The following OSBPL8 variants were observed in gnomAD, a reference collection of about 807,000 sequenced individuals.
The protein encoded by OSBPL8 is oxysterol binding protein like 8.
In OSBPL8, 59 loss-of-function variants were observed where a neutral mutation model predicts 125.5. The observed-to-expected ratio is 0.47, with a 90% CI of 0.38 to 0.58. OSBPL8 has a LOEUF of 0.58. Among genes scored for constraint, OSBPL8 ranks in the 20% least tolerant of loss-of-function variants. The pLI is 0.00. For synonymous variants in OSBPL8, 330 were observed against 338.9 expected, an observed-to-expected ratio of 0.97 and a Z score of 0.29; for missense variants, 758 against 1,047.8, an observed-to-expected ratio of 0.72 and a Z score of 3.82.
chr12:76,419,039 C>T (rs999210110), intron 4 of OSBPL8, among the ~76,000 whole-genome samples: 8 of 152,060 alleles, frequency 5.3e-5, no homozygotes, highest in African/African-American at 1.9e-4. Flanking sequence ...AATTTGAGAC[C>T]AACCTGGCTA....
In OSBPL8 at chr12:76,353,575, C is replaced by T. The variant is rs1951891529; in HGVS notation, c.*2314G>A. ...ATTTCAGGTAAATAACATTCAAAGT[C>T]AATTACATATATGGCTACAAAGTTA... On this transcript the variant is annotated 3_prime_UTR_variant, in exon 24 of 24. Coordinates refer to ENST00000261183, the MANE Select transcript of OSBPL8 (RefSeq NM_020841.5). 1 of 152,262 alleles carries T rather than the reference C, an allele frequency of 6.6e-6. No individual in the cohort carries two copies. Among genetic ancestry groups the T allele is most frequent in the South Asian group, 2.1e-4 (1 of 4,824 alleles). 9.4% of individuals were successfully genotyped at this position (152,262 alleles called of 1,614,324 possible).
rs548769397 is a variant in OSBPL8 at position 76,508,876 on chromosome 12, C to T, written c.-67-21258G>A. ...CCAGAAAACTCATTAATAATCCACC[C>T]CCTATTTAGCATATAATCAAGAAGT... On this transcript the variant is annotated intron_variant, in intron 1 of 23. Transcript: ENST00000261183. Among the ~76,000 whole-genome samples, 304 of 152,268 alleles carry T rather than the reference C, an allele frequency of 2.0e-3. 2 individuals carry two copies. Among genetic ancestry groups the T allele is most frequent in the African/African-American group, 7.0e-3 (289 of 41,544 alleles).
chr12:76,408,319 A>C (rs980949717), intron 5 of OSBPL8, among the ~76,000 whole-genome samples: 26 of 150,924 alleles, frequency 1.7e-4, no homozygotes, highest in African/African-American at 5.9e-4. Flanking sequence ...AAAATTAGCC[A>C]GCTGTGGTGG....
intron 2 of OSBPL8, among the ~76,000 whole-genome samples, chr12:76,464,043 G>A (rs531964989): frequency 2.6e-5 from 4 of 152,306 alleles, no homozygotes; most frequent in South Asian, 2.1e-4. Flanking sequence ...AATGCTAGGC[G>A]TTCTTCTTGG....
At chr12:76,358,153 T>C (rs1952054722) in intron 22 of OSBPL8, among the ~76,000 whole-genome samples, 1 of 150,442 alleles carries the variant, frequency 6.6e-6, no homozygotes, top group South Asian at 2.1e-4. Context: ...GCATAAGAGG[T>C]AGCTACTACT....
At chr12:76,455,394 C>T (rs1873916448) in intron 3 of OSBPL8, among the ~76,000 whole-genome samples, 1 of 152,124 alleles carries the variant, frequency 6.6e-6, no homozygotes, top group Non-Finnish European at 1.5e-5. Context: ...ACATTTAATG[C>T]TAATTTAAAA....
intron 4 of OSBPL8, among the ~76,000 whole-genome samples, chr12:76,424,556 T>C (rs1468284202): frequency 1.3e-5 from 2 of 152,202 alleles, no homozygotes; most frequent in Non-Finnish European, 2.9e-5. Flanking sequence ...ACAAACAGCA[T>C]TATGCTAGTA....
At chr12:76,400,778 T>A (rs918007883) in intron 6 of OSBPL8, among the ~76,000 whole-genome samples, 100 of 152,002 alleles carry the variant, frequency 6.6e-4, no homozygotes, top group African/African-American at 2.3e-3. Context: ...TATGTATCTT[T>A]TAAATAATTT....
chr12:76,392,486 C>T, intron 10 of OSBPL8, 95 bp downstream of exon 10: 1 of 1,212,734 alleles, frequency 8.2e-7, no homozygotes, highest in Non-Finnish European at 1.1e-6. Flanking sequence ...AAATTTCAGT[C>T]CTAGATACAC....
At chr12:76,473,958 G>A (rs541272075) in intron 2 of OSBPL8, among the ~76,000 whole-genome samples, 2 of 152,072 alleles carry the variant, frequency 1.3e-5, no homozygotes, top group South Asian at 2.1e-4. Flanking sequence ...AATAGCTGGC[G>A]GCACACAGTA....
Position 76,400,207 on chromosome 12 carries a change from C to G in OSBPL8, c.367-233G>C, listed in dbSNP as rs544056347. On this transcript the variant is annotated intron_variant, in intron 6 of 23. Coordinates refer to ENST00000261183, the MANE Select transcript of OSBPL8 (RefSeq NM_020841.5). ...AGGCTCCAGTGTGTGTTGTGTCCCT[C>G]TGTGTGTCCATGTGTTCTCATCATT... Among the ~76,000 whole-genome samples, 4 of 152,236 alleles carry G rather than the reference C, an allele frequency of 2.6e-5. No individual in the cohort carries two copies. The East Asian group carries it at 5.8e-4, about 22-fold the overall frequency.
chr12:76,447,313 G>A (rs573549692), intron 4 of OSBPL8, among the ~76,000 whole-genome samples: 1 of 152,300 alleles, frequency 6.6e-6, no homozygotes, highest in South Asian at 2.1e-4. Context: ...ATCACTAGCA[G>A]CAGGACAATC....
intron 2 of OSBPL8, among the ~76,000 whole-genome samples, chr12:76,464,424 C>T (rs966188048): frequency 1.3e-5 from 2 of 152,120 alleles, no homozygotes; most frequent in African/African-American, 4.8e-5. Flanking sequence ...AAGTTTCAGA[C>T]ATACTATCAA....
Position 76,397,675 on chromosome 12 carries a change from G to C in OSBPL8, c.672+19C>G. The C allele has an allele frequency of 3.7e-6, 6 of 1,606,782 alleles. No individual in the cohort carries two copies. Among genetic ancestry groups the C allele is most frequent in the Non-Finnish European group, 5.1e-6 (6 of 1,174,072 alleles). On this transcript the variant is annotated intron_variant, in intron 8 of 23. Coordinates refer to ENST00000261183, the MANE Select transcript of OSBPL8 (RefSeq NM_020841.5). ...ATTATCATCTTTACCTTTCACCTAT[G>C]TAACAAGGGCTTACATACCTTCACT...
chr12:76,379,601 G>A (rs1394116925), intron 15 of OSBPL8, among the ~76,000 whole-genome samples: 3 of 152,226 alleles, frequency 2.0e-5, no homozygotes, highest in East Asian at 1.9e-4. Context: ...CTAGAATTCT[G>A]TACAGATGGC....
intron 4 of OSBPL8, among the ~76,000 whole-genome samples, chr12:76,434,779 T>G (rs1010391765): frequency 2.6e-5 from 4 of 152,176 alleles, no homozygotes; most frequent in Non-Finnish European, 4.4e-5. Flanking sequence ...ACATCACTAA[T>G]CATCAGGGAA....
chr12:76,457,946 T>C (rs966114982), intron 3 of OSBPL8, among the ~76,000 whole-genome samples: 12 of 152,138 alleles, frequency 7.9e-5, no homozygotes. Context: ...GCCAAGTAAG[T>C]ATCACAAGGC....
At chr12:76,492,645 C>T (rs1032207761) in intron 1 of OSBPL8, among the ~76,000 whole-genome samples, 27 of 152,150 alleles carry the variant, frequency 1.8e-4, no homozygotes, top group Admixed American at 2.0e-4. Context: ...ACTGTGCACA[C>T]GAAGAATCTA....
chr12:76,521,980 A>G (rs1224511623), intron 1 of OSBPL8, among the ~76,000 whole-genome samples: 4 of 152,284 alleles, frequency 2.6e-5, no homozygotes, highest in Non-Finnish European at 5.9e-5. Context: ...ATAATTGGGG[A>G]AAAAAGTAAA....
Sources: gnomAD v4.1 joint callset for allele counts (sites outside exome capture counted in the v4.1 genomes callset) on GRCh38, gnomAD v4.1.1 for gene constraint, MANE v1.5 for transcripts, NCBI Gene and HGNC (gene_info 2026-07-23, HGNC 2026-07-21) for gene names.